The following HPSE2 variants were observed in gnomAD, a reference collection of about 807,000 sequenced individuals.
HPSE2 encodes the protein inactive heparanase-2.
HPSE2 carries 38 observed loss-of-function variants against 60.5 expected under a neutral mutation model. The ratio of observed to expected loss-of-function variants is 0.63; its 90% confidence interval spans 0.48 to 0.82. The LOEUF (loss-of-function observed/expected upper bound fraction) is 0.82. Among genes scored for constraint, HPSE2 ranks in the 40% least tolerant of loss-of-function variants. HPSE2 has a pLI of 0.00. For synonymous variants in HPSE2, 295 were observed against 293.2 expected, an observed-to-expected ratio of 1.01 and a Z score of -0.06; for missense variants, 713 against 740.4, an observed-to-expected ratio of 0.96 and a Z score of 0.43.
At chr10:98,527,028 G>A (rs191710784) in intron 9 of HPSE2, among the ~76,000 whole-genome samples, 482 of 152,206 alleles carry the variant, frequency 3.2e-3, no homozygotes, top group Middle Eastern at 0.014. Context: ...GCATAAAAAG[G>A]AGCAGAATGT....
intron 9 of HPSE2, among the ~76,000 whole-genome samples, chr10:98,538,037 C>T (rs1943342306): frequency 6.6e-6 from 1 of 152,100 alleles, no homozygotes; most frequent in South Asian, 2.1e-4. Flanking sequence ...AAGGGAAGGG[C>T]CCCCCATCCT....
intron 7 of HPSE2, among the ~76,000 whole-genome samples, chr10:98,623,696 T>A (rs1946131554): frequency 6.6e-6 from 1 of 152,184 alleles, no homozygotes; most frequent in Non-Finnish European, 1.5e-5. Context: ...AGTCATGAAT[T>A]TGTAGTAGAT....
intron 3 of HPSE2, among the ~76,000 whole-genome samples, chr10:98,764,798 A>G (rs999540313): frequency 6.6e-6 from 1 of 152,176 alleles, no homozygotes; most frequent in Non-Finnish European, 1.5e-5. Flanking sequence ...CGGAGGTTGC[A>G]GTGAGCCGAG....
the HPSE2 span, among the ~76,000 whole-genome samples, chr10:99,241,540 C>T: frequency 1.3e-5 from 2 of 152,108 alleles, no homozygotes; most frequent in Non-Finnish European, 2.9e-5. Context: ...GAGGATTGCT[C>T]GAGCCCAGGA....
chr10:98,733,004 GA>G (rs1259611937), intron 4 of HPSE2, among the ~76,000 whole-genome samples: 2 of 152,150 alleles, frequency 1.3e-5, no homozygotes, highest in African/African-American at 4.8e-5. Flanking sequence ...GTAAGTACAT[GA>G]AAAGGTGCCC....
chr10:98,763,303 CA>C (rs1950047448), intron 3 of HPSE2, among the ~76,000 whole-genome samples: 1 of 151,636 alleles, frequency 6.6e-6, no homozygotes, highest in Non-Finnish European at 1.5e-5. Context: ...GAAAACTTCC[CA>C]AATTTGATTT....
intron 3 of HPSE2, among the ~76,000 whole-genome samples, chr10:98,884,713 T>C (rs1590010308): frequency 6.6e-6 from 1 of 151,968 alleles, no homozygotes; most frequent in Non-Finnish European, 1.5e-5. Flanking sequence ...ATGGTGGAGG[T>C]AGTGGGGTGT....
chr10:98,653,914 T>C (rs1946987952), intron 6 of HPSE2, among the ~76,000 whole-genome samples: 1 of 152,054 alleles, frequency 6.6e-6, no homozygotes, highest in Non-Finnish European at 1.5e-5. Flanking sequence ...ATTCCCTCAG[T>C]TTTTGTTTGT....
intron 3 of HPSE2, among the ~76,000 whole-genome samples, chr10:99,027,141 T>A (rs942987680): frequency 5.3e-5 from 8 of 151,040 alleles, no homozygotes; most frequent in African/African-American, 1.9e-4. Flanking sequence ...TAAATGAAAT[T>A]GAAATGAAAA....
chr10:98,541,064 AT>A (rs1943441336), intron 9 of HPSE2, among the ~76,000 whole-genome samples: 1 of 152,198 alleles, frequency 6.6e-6, no homozygotes, highest in Non-Finnish European at 1.5e-5. Context: ...TAAAAAACAG[AT>A]TTTAATGTAA....
At chr10:98,681,488 A>C (rs510400) in intron 6 of HPSE2, among the ~76,000 whole-genome samples, 1 of 152,164 alleles carries the variant, frequency 6.6e-6, no homozygotes, top group Non-Finnish European at 1.5e-5. Context: ...TACAAGACCA[A>C]TGGAATTTGA....
At chr10:98,601,800 C>T (rs1004791663) in intron 9 of HPSE2, among the ~76,000 whole-genome samples, 3 of 152,186 alleles carry the variant, frequency 2.0e-5, no homozygotes, top group African/African-American at 7.2e-5. Context: ...TGCGTTGTTC[C>T]TGTGGGACTC....
chr10:98,934,491 G>C (rs888786376), intron 3 of HPSE2, among the ~76,000 whole-genome samples: 1 of 144,436 alleles, frequency 6.9e-6, no homozygotes, highest in African/African-American at 2.8e-5. Context: ...AAATCCTTCA[G>C]CATTTGCTTG....
chr10:98,983,330 T>C (rs973007805), intron 3 of HPSE2, among the ~76,000 whole-genome samples: 4 of 152,162 alleles, frequency 2.6e-5, no homozygotes, highest in Admixed American at 2.0e-4. Flanking sequence ...AAACCAGAAG[T>C]GTGTTGCTTA....
chr10:98,621,315 G>A (rs1946068225), intron 7 of HPSE2, among the ~76,000 whole-genome samples: 1 of 152,034 alleles, frequency 6.6e-6, no homozygotes, highest in Admixed American at 6.6e-5. Context: ...CCAAGCAGAA[G>A]CAAAACTTCC....
intron 2 of HPSE2, among the ~76,000 whole-genome samples, chr10:99,177,146 G>A (rs565699745): frequency 1.5e-3 from 233 of 151,962 alleles, no homozygotes; most frequent in African/African-American, 5.3e-3. Context: ...AGGAAAAAAC[G>A]GTATCAGCCA....
intron 3 of HPSE2, among the ~76,000 whole-genome samples, chr10:99,044,601 T>C (rs552978243): frequency 3.4e-4 from 52 of 152,160 alleles, no homozygotes; most frequent in African/African-American, 1.2e-3. Flanking sequence ...TTTGCTGTCT[T>C]CAAAAGATCC....
intron 3 of HPSE2, among the ~76,000 whole-genome samples, chr10:98,953,381 C>T (rs1238886917): frequency 6.6e-6 from 1 of 152,130 alleles, no homozygotes; most frequent in Non-Finnish European, 1.5e-5. Context: ...ACCCTTTGGC[C>T]TTATCAATGC....
intron 3 of HPSE2, among the ~76,000 whole-genome samples, chr10:99,104,789 A>G (rs1347383265): frequency 2.0e-5 from 3 of 152,184 alleles, no homozygotes; most frequent in Non-Finnish European, 4.4e-5. Context: ...GGAAACCATC[A>G]TTCTCAGCAA....
Sources: gnomAD v4.1 joint callset for allele counts (sites outside exome capture counted in the v4.1 genomes callset) on GRCh38, gnomAD v4.1.1 for gene constraint, MANE v1.5 for transcripts, NCBI Gene and HGNC (gene_info 2026-07-23, HGNC 2026-07-21) for gene names.